SGTA: variants seen among roughly 807,000 people sequenced by gnomAD.
SGTA encodes small glutamine-rich tetratricopeptide repeat-containing protein alpha.
Under a neutral mutation model 44.3 loss-of-function variants are expected in SGTA, and 22 were observed. The observed-to-expected ratio is 0.50, with a 90% CI of 0.36 to 0.71. The LOEUF (loss-of-function observed/expected upper bound fraction) is 0.71. Ranked by LOEUF, SGTA falls within the 30% of genes least tolerant of loss-of-function variation. SGTA has a pLI of 0.00. For missense variants in SGTA, 341 were observed against 435.9 expected, an observed-to-expected ratio of 0.78 and a Z score of 1.94; for synonymous variants, 174 against 177.6, an observed-to-expected ratio of 0.98 and a Z score of 0.16.
At position 2,761,643 on chromosome 19, in the gene SGTA, A is replaced by G; in HGVS notation, c.637-121T>C. The G allele has an allele frequency of 1.2e-6, 1 of 820,736 alleles. No homozygotes were observed. The highest frequency in any genetic ancestry group is 2.0e-6 in the Non-Finnish European group (1 of 504,406). 50.8% of individuals were successfully genotyped at this position (820,736 alleles called of 1,614,324 possible). ...CAGACATTCTATCAACCCTGCGGCCAGAGGGTGCTTTGAGGCAGGCAGCAC... is the reference window on the plus strand; with the variant it reads ...CAGACATTCTATCAACCCTGCGGCCGGAGGGTGCTTTGAGGCAGGCAGCAC... On this transcript the variant is annotated intron_variant, in intron 7 of 11. Coordinates refer to ENST00000221566, the MANE Select transcript of SGTA (RefSeq NM_003021.4). The surrounding 1 kb of genome is among the most constrained non-coding windows in gnomAD (Gnocchi z 5.7).
intron 4 of SGTA, among the ~76,000 whole-genome samples, chr19:2,766,925 G>A (rs964899493): frequency 5.3e-5 from 8 of 152,050 alleles, no homozygotes; most frequent in Admixed American, 2.0e-4. Context: ...CCCACCAGCC[G>A]TGCTGTGCCT....
Position 2,761,496 on chromosome 19 carries a change from G to A in SGTA, c.663C>T (p.Ile221=), listed in dbSNP as rs1466628948. The A allele has an allele frequency of 5.2e-6, 8 of 1,551,396 alleles. No homozygotes were observed. Among genetic ancestry groups the A allele is most frequent in the Admixed American group, 2.0e-5 (1 of 50,974 alleles). ...SPTGGVGSFD[I]AGLLNNPGFM... Reference sequence around the variant, plus strand: ...AGCCAGGGTTGTTCAGCAGGCCGGCGATGTCGAAGCTGCCCACGCCTCCCG... The same window carrying A: ...AGCCAGGGTTGTTCAGCAGGCCGGCAATGTCGAAGCTGCCCACGCCTCCCG... The change falls in exon 8 of 12, where the codon ATC becomes ATT. Residue 221 remains isoleucine, a synonymous_variant. Coordinates refer to ENST00000221566, the MANE Select transcript of SGTA (RefSeq NM_003021.4). The surrounding 1 kb of genome is among the most constrained non-coding windows in gnomAD (Gnocchi z 5.7).
chr19:2,772,136 C>A (rs1349856571), intron 1 of SGTA, among the ~76,000 whole-genome samples: 1 of 152,248 alleles, frequency 6.6e-6, no homozygotes, highest in East Asian at 1.9e-4. Context: ...AAGGGGCAGG[C>A]CTGAGGCCTC....
At chr19:2,762,769 G>A (rs76894839) in intron 6 of SGTA, 125 bp from the exon 7 acceptor site, 94,492 of 1,118,458 alleles carry the variant, frequency 0.084, 4,707 homozygotes, top group Middle Eastern at 0.12. Flanking sequence ...CCCCCTGCCC[G>A]CTGTCAGCTC....
rs1334881818 is a variant in SGTA at position 2,763,554 on chromosome 19, C to T, written c.497+99G>A. 1.7e-5 allele frequency: 13 copies of T among 784,838 alleles called. No individual in the cohort carries two copies. The Admixed American group carries it at 2.2e-4, about 13-fold the overall frequency. 48.6% of individuals were successfully genotyped at this position (784,838 alleles called of 1,614,324 possible). On this transcript the variant is annotated intron_variant, in intron 6 of 11. Transcript: ENST00000221566. The surrounding 1 kb of genome is among the most constrained non-coding windows in gnomAD (Gnocchi z 5.8). ...TGAACTGAACCGGGGTGGGAGAATT[C>T]GTTGTGGGTGGGAAAAAAGCCACAC...
Position 2,765,287 on chromosome 19 carries a change from T to C in SGTA, c.293-2A>G. 1.2e-6 allele frequency: 2 copies of C among 1,606,064 alleles called. No homozygotes were observed. The highest frequency in any genetic ancestry group is 1.7e-6 in the Non-Finnish European group (2 of 1,177,622). ...TTTCCACTTTCATCTGCTCGTTTCC[T>C]ACAGGGAGAGAGGAAAACACCGGCC... On this transcript the variant is annotated splice_acceptor_variant, in intron 4 of 11. Transcript: ENST00000221566. LOFTEE classifies it high-confidence loss of function. This position sits in a 1 kb window ranked among gnomAD's most constrained non-coding sequence, Gnocchi z 5.5.
At chr19:2,766,020 C>T (rs1300716303) in intron 4 of SGTA, among the ~76,000 whole-genome samples, 9 of 152,162 alleles carry the variant, frequency 5.9e-5, no homozygotes, top group Non-Finnish European at 1.3e-4. Flanking sequence ...AGACCAAGAC[C>T]ATCCTGGCCA....
chr19:2,761,034 G>A lies in SGTA; in HGVS notation c.699+426C>T, dbSNP rs986197039. Among the ~76,000 whole-genome samples the A allele has an allele frequency of 5.3e-5, 8 of 152,332 alleles. No homozygotes were observed. The highest frequency in any genetic ancestry group is 3.9e-4 in the East Asian group (2 of 5,174). The stretch of plus-strand genomic sequence containing the variant: ...ATCGGGAGGTCCACCTGCGCCCGGC[G>A]CACCCGGCGCTCTGCTTCCCTTGCC... On this transcript the variant is annotated intron_variant, in intron 8 of 11. Transcript: ENST00000221566. The surrounding 1 kb of genome is among the most constrained non-coding windows in gnomAD (Gnocchi z 5.7).
chr19:2,777,912 G>T (rs547449371), intron 1 of SGTA: 1 of 151,930 alleles, frequency 6.6e-6, no homozygotes, highest in African/African-American at 2.4e-5. Context: ...AGCTACTCGG[G>T]AGGCTGAGGC....
intron 2 of SGTA, among the ~76,000 whole-genome samples, chr19:2,768,755 C>T (rs1044465783): frequency 3.3e-5 from 5 of 152,240 alleles, no homozygotes; most frequent in Admixed American, 2.6e-4. Flanking sequence ...GCAGTGGTGG[C>T]GCCACGCAGT....
rs983833729 is a variant in SGTA, at chr19:2,761,027, GCCCGGCGCA to G, written c.699+424_699+432del. ...CCCGGGCATCGGGAGGTCCACCTGC[GCCCGGCGCA>G]CCCGGCGCTCTGCTTCCCTTGCCTG... On this transcript the variant is annotated intron_variant, in intron 8 of 11. Coordinates refer to ENST00000221566, the MANE Select transcript of SGTA (RefSeq NM_003021.4). The surrounding 1 kb of genome is among the most constrained non-coding windows in gnomAD (Gnocchi z 5.7). Among the ~76,000 whole-genome samples, 2 of 152,344 alleles carry G rather than the reference GCCCGGCGCA, an allele frequency of 1.3e-5. No homozygotes were observed. The highest frequency in any genetic ancestry group is 3.9e-4 in the East Asian group (2 of 5,184).
chr19:2,769,187 G>A (rs1392893706), intron 1 of SGTA, 96 bp from the exon 2 acceptor site: 2 of 695,478 alleles, frequency 2.9e-6, no homozygotes, highest in African/African-American at 1.8e-5. Flanking sequence ...CACTTTAAGG[G>A]TGCTGGCTGA....
rs1914858597 is a variant in SGTA at position 2,757,553 on chromosome 19, G to A, written c.828-96C>T. On this transcript the variant is annotated intron_variant, in intron 10 of 11. Transcript: ENST00000221566. Reference sequence around the variant, plus strand: ...GACCCCTCGGGCCCTCCACCCCAAAGACAGGCCTGACCCCTCGCTGGAGGA... The same window carrying A: ...GACCCCTCGGGCCCTCCACCCCAAAAACAGGCCTGACCCCTCGCTGGAGGA... 2.0e-6 allele frequency: 3 copies of A among 1,519,478 alleles called. 1 individual carries two copies. The South Asian group carries it at 3.7e-5, about 19-fold the overall frequency. The allele number at this position is 1,519,478 out of a possible 1,614,324, so 94.1% of individuals were successfully genotyped here.
chr19:2,761,637 G>C lies in SGTA; in HGVS notation c.637-115C>G. On this transcript the variant is annotated intron_variant, in intron 7 of 11. Transcript: ENST00000221566. The surrounding 1 kb of genome is among the most constrained non-coding windows in gnomAD (Gnocchi z 5.7). ...GGGGCTCAGACATTCTATCAACCCT[G>C]CGGCCAGAGGGTGCTTTGAGGCAGG... 1 of 855,216 alleles carries C rather than the reference G, an allele frequency of 1.2e-6. No homozygotes were observed. Among genetic ancestry groups the C allele is most frequent in the Non-Finnish European group, 1.9e-6 (1 of 532,238 alleles). The allele number at this position is 855,216 out of a possible 1,614,324, so 53.0% of individuals were successfully genotyped here.
intron 4 of SGTA, 145 bp downstream of exon 4, chr19:2,766,991 C>A (rs1915160771): frequency 2.9e-6 from 2 of 689,594 alleles, no homozygotes; most frequent in Non-Finnish European, 5.3e-6. Context: ...CCTTCCGTCC[C>A]CGTCCCCACA....
At chr19:2,762,723 G>T in intron 6 of SGTA, 79 bp from the exon 7 acceptor site, 2 of 1,560,440 alleles carry the variant, frequency 1.3e-6, no homozygotes, top group South Asian at 2.3e-5. Context: ...GTCCCCGGCG[G>T]TCCTGGCAAC....
chr19:2,772,138 T>G (rs1041215027), intron 1 of SGTA, among the ~76,000 whole-genome samples: 5 of 152,184 alleles, frequency 3.3e-5, no homozygotes, highest in African/African-American at 1.2e-4. Context: ...GGGGCAGGCC[T>G]GAGGCCTCAG....
chr19:2,763,542 G>A lies in SGTA; in HGVS notation c.497+111C>T. On this transcript the variant is annotated intron_variant, in intron 6 of 11. Transcript: ENST00000221566. This position sits in a 1 kb window ranked among gnomAD's most constrained non-coding sequence, Gnocchi z 5.8. ...TAGTGTCAGAGTTGAACTGAACCGGGGTGGGAGAATTCGTTGTGGGTGGGA... is the reference window on the plus strand; with the variant it reads ...TAGTGTCAGAGTTGAACTGAACCGGAGTGGGAGAATTCGTTGTGGGTGGGA... 1.4e-6 allele frequency: 1 copy of A among 706,992 alleles called. No homozygotes were observed. Among genetic ancestry groups the A allele is most frequent in the Non-Finnish European group, 2.4e-6 (1 of 419,470 alleles). The allele number at this position is 706,992 out of a possible 1,614,324, so 43.8% of individuals were successfully genotyped here. A position where few individuals can be genotyped will look rare whatever the true frequency, so the allele number is the denominator to read the frequency against.
chr19:2,767,069 C>T lies in SGTA; in HGVS notation c.292+67G>A, dbSNP rs113581651. ...GGCCCCAGGGACCAGCTGGCCTCTG[C>T]GAGGGTCCCACAGCCCCGGAGTCCA... On this transcript the variant is annotated intron_variant, in intron 4 of 11. Transcript: ENST00000221566. This position sits in a 1 kb window ranked among gnomAD's most constrained non-coding sequence, Gnocchi z 7.3. 69 of 1,222,798 alleles carry T rather than the reference C, an allele frequency of 5.6e-5. No individual in the cohort carries two copies. The African/African-American group carries it at 7.2e-4, about 13-fold the overall frequency. The allele number at this position is 1,222,798 out of a possible 1,614,324, so 75.7% of individuals were successfully genotyped here.
Sources: gnomAD v4.1 joint callset for allele counts (sites outside exome capture counted in the v4.1 genomes callset) on GRCh38, gnomAD v4.1.1 for gene constraint, Gnocchi (gnomAD v3.1) non-coding constraint, MANE v1.5 for transcripts, NCBI Gene and HGNC (gene_info 2026-07-23, HGNC 2026-07-21) for gene names.